Variants in TTC39B observed in about 807,000 individuals in gnomAD.
TTC39B encodes the protein tetratricopeptide repeat domain 39B, also known as tetratricopeptide repeat protein 39B.
Under a neutral mutation model 96.6 loss-of-function variants are expected in TTC39B, and 92 were observed. The observed-to-expected ratio is 0.95, with a 90% CI of 0.80 to 1.13. The LOEUF (loss-of-function observed/expected upper bound fraction) is 1.13. TTC39B is among the 50% of genes most tolerant of loss of function. The pLI is 0.00. For synonymous variants in TTC39B, 367 were observed against 299.4 expected, an observed-to-expected ratio of 1.23 and a Z score of -2.33; for missense variants, 955 against 809.3, an observed-to-expected ratio of 1.18 and a Z score of -2.18.
intron 14 of TTC39B, among the ~76,000 whole-genome samples, chr9:15,187,369 T>C (rs1818588851): frequency 6.6e-6 from 1 of 152,180 alleles, no homozygotes; most frequent in African/African-American, 2.4e-5. Context: ...ATCAGGGCAC[T>C]GGAAAGTCTA....
chr9:15,196,803 T>C (rs1328214573), intron 8 of TTC39B, among the ~76,000 whole-genome samples: 4 of 152,208 alleles, frequency 2.6e-5, no homozygotes, highest in Admixed American at 2.6e-4. Context: ...GTGGGTAAAG[T>C]GCCATCAAGT....
At chr9:15,198,231 G>T (rs1586850372) in intron 8 of TTC39B, among the ~76,000 whole-genome samples, 1 of 152,042 alleles carries the variant, frequency 6.6e-6, no homozygotes, top group Non-Finnish European at 1.5e-5. Context: ...GGCCAAGACG[G>T]GTGGATCACG....
chr9:15,202,794 C>G (rs577836742), intron 7 of TTC39B, among the ~76,000 whole-genome samples: 1 of 151,226 alleles, frequency 6.6e-6, no homozygotes, highest in South Asian at 2.1e-4. Context: ...GAATTTCTTT[C>G]TGATTTCTTA....
At chr9:15,240,499 G>T (rs750028463) in intron 2 of TTC39B, among the ~76,000 whole-genome samples, 1 of 149,318 alleles carries the variant, frequency 6.7e-6, no homozygotes, top group African/African-American at 2.5e-5. Flanking sequence ...ACTTTTCAAT[G>T]TTTTTTTTTC....
intron 2 of TTC39B, among the ~76,000 whole-genome samples, chr9:15,241,366 T>C (rs1037817020): frequency 6.6e-6 from 1 of 152,068 alleles, no homozygotes; most frequent in African/African-American, 2.4e-5. Flanking sequence ...TTTAAAAAGA[T>C]AATGCTCTAA....
At position 15,267,751 on chromosome 9, in the gene TTC39B, T is replaced by C. The variant is rs1823188190; in HGVS notation, c.275+163A>G. ...CTGAAAGTATTAGATAGATCCTTTC[T>C]TAAATATAATCACATCCTCTTTAAT... On this transcript the variant is annotated intron_variant, in intron 2 of 19. Transcript: ENST00000512701. Among the ~76,000 whole-genome samples, 3 of 152,202 alleles carry C rather than the reference T, an allele frequency of 2.0e-5. No homozygotes were observed. The South Asian group carries it at 6.2e-4, about 32-fold the overall frequency.
chr9:15,249,808 C>G (rs1345079303), intron 2 of TTC39B: 2 of 878,642 alleles, frequency 2.3e-6, no homozygotes, highest in Non-Finnish European at 2.9e-6. Flanking sequence ...TGAAATTTAA[C>G]TGGAGTTTAA....
chr9:15,192,115 A>C (rs1226133846), intron 9 of TTC39B, among the ~76,000 whole-genome samples: 2 of 152,150 alleles, frequency 1.3e-5, no homozygotes, highest in East Asian at 3.9e-4. Context: ...TGATCACTTT[A>C]TTTTCTCACT....
At chr9:15,220,596 G>A (rs1263503098) in intron 3 of TTC39B, among the ~76,000 whole-genome samples, 1 of 151,862 alleles carries the variant, frequency 6.6e-6, no homozygotes, top group Non-Finnish European at 1.5e-5. Context: ...TAAAAGGAAT[G>A]ATATAAATAT....
exon 20 of TTC39B, chr9:15,166,929 T>C (rs1817527479): frequency 7.7e-6 from 1 of 129,738 alleles, no homozygotes; most frequent in Non-Finnish European, 1.6e-5. Context: ...ATCATACACA[T>C]TCAAAAATAA....
chr9:15,214,336 G>T, intron 3 of TTC39B, 87 bp from the exon 4 acceptor site: 1 of 812,332 alleles, frequency 1.2e-6, no homozygotes, highest in Non-Finnish European at 2.0e-6. Flanking sequence ...GTGTGTGTGT[G>T]TGTGTGTGTG....
intron 2 of TTC39B, among the ~76,000 whole-genome samples, chr9:15,231,672 G>A (rs917010445): frequency 6.6e-6 from 1 of 152,154 alleles, no homozygotes; most frequent in African/African-American, 2.4e-5. Context: ...ATAGATAGCA[G>A]AGCCAATTCA....
intron 2 of TTC39B, among the ~76,000 whole-genome samples, chr9:15,255,406 G>A (rs1290117114): frequency 6.6e-6 from 1 of 151,988 alleles, no homozygotes; most frequent in African/African-American, 2.4e-5. Context: ...GGGGAAAGAG[G>A]GAAGAAGGAA....
chr9:15,253,693 G>C (rs1454462397), intron 2 of TTC39B, among the ~76,000 whole-genome samples: 1 of 151,792 alleles, frequency 6.6e-6, no homozygotes, highest in African/African-American at 2.4e-5. Context: ...TTCTGGGTCT[G>C]TTTGCAGTGT....
chr9:15,256,184 T>TC (rs998889370), intron 2 of TTC39B, among the ~76,000 whole-genome samples: 33 of 149,088 alleles, frequency 2.2e-4, no homozygotes, highest in Admixed American at 1.0e-3. Context: ...TTCCTTCTTC[T>TC]TTTTTTTTTC....
intron 1 of TTC39B, among the ~76,000 whole-genome samples, chr9:15,303,490 C>A (rs1000582308): frequency 6.6e-5 from 10 of 151,918 alleles, no homozygotes; most frequent in African/African-American, 2.4e-4. Context: ...CCCACCTCAG[C>A]CTCCAGAATA....
chr9:15,264,336 T>A (rs1823044996), intron 2 of TTC39B, among the ~76,000 whole-genome samples: 1 of 152,160 alleles, frequency 6.6e-6, no homozygotes, highest in Non-Finnish European at 1.5e-5. Flanking sequence ...AGATTTTTCT[T>A]CCTTGCCACA....
intron 1 of TTC39B, among the ~76,000 whole-genome samples, chr9:15,272,071 T>A (rs535837431): frequency 6.6e-6 from 1 of 152,164 alleles, no homozygotes; most frequent in Admixed American, 6.5e-5. Context: ...GAAAGACCAG[T>A]GCTTCCTTTC....
At chr9:15,220,011 T>C (rs1443777048) in intron 3 of TTC39B, among the ~76,000 whole-genome samples, 1 of 152,194 alleles carries the variant, frequency 6.6e-6, no homozygotes, top group East Asian at 1.9e-4. Flanking sequence ...TTGATCTCCA[T>C]ACGTCTGACT....
Sources: gnomAD v4.1 joint callset for allele counts (sites outside exome capture counted in the v4.1 genomes callset) on GRCh38, gnomAD v4.1.1 for gene constraint, MANE v1.5 for transcripts, NCBI Gene and HGNC (gene_info 2026-07-23, HGNC 2026-07-21) for gene names.